Variants in GOLGA6L2 observed in about 807,000 individuals in gnomAD.
GOLGA6L2 encodes the protein golgin A6 family like 2.
GOLGA6L2 carries 30 observed loss-of-function variants against 35.9 expected under a neutral mutation model. The ratio of observed to expected loss-of-function variants is 0.83; its 90% CI spans 0.62 to 1.13. GOLGA6L2 has a LOEUF of 1.13. Among genes scored for constraint, GOLGA6L2 ranks in the 50% most tolerant of loss-of-function variants. GOLGA6L2 has a pLI of 0.00. For missense variants in GOLGA6L2, 821 were observed against 973.4 expected, an observed-to-expected ratio of 0.84 and a Z score of 2.08; for synonymous variants, 297 against 344.0, an observed-to-expected ratio of 0.86 and a Z score of 1.51.
In GOLGA6L2 at chr15:23,443,934, T is replaced by A. The variant is rs2070727866; in HGVS notation, c.434A>T (p.Gln145Leu). The A allele has an allele frequency of 6.4e-7, 1 of 1,556,230 alleles. No individual in the cohort carries two copies. The highest frequency in any genetic ancestry group is 1.4e-5 in the African/African-American group (1 of 73,844). Residue 145 changes from glutamine (Q) to leucine (L), a missense_variant, in exon 5 of 8, where the codon CAG (glutamine) becomes CTG (leucine). This residue lies in a region of GOLGA6L2 where 614 missense variants were observed against 632.3 expected (regional missense o/e 0.97). Transcript: ENST00000567107. ...GCCCAAAGGACTCCCCCTAAAGGCC[T>A]GTGAAAGTGCCAGGTTGAAGGATGA... ...TPSSFNLALS[Q>L]AFRGSPLGCV...
In GOLGA6L2 at chr15:23,444,515, A is replaced by C; in HGVS notation, c.214-15T>G. ...TTCTGTTGTGTCTGTGGGGAGAGTC[A>C]AAGGAAGGTGACTGAGGGTGGCCCC... is the stretch of plus-strand genomic sequence containing the variant. On this transcript the variant is annotated splice_polypyrimidine_tract_variant and intron_variant, in intron 2 of 7. Transcript: ENST00000567107. 6.3e-7 allele frequency: 1 copy of C among 1,599,162 alleles called. No individual in the cohort carries two copies. Among genetic ancestry groups the C allele is most frequent in the Non-Finnish European group, 8.5e-7 (1 of 1,179,576 alleles).
At chr15:23,442,530 G>A in intron 5 of GOLGA6L2, 22 bp from the exon 6 acceptor site, 6 of 1,582,084 alleles carry the variant, frequency 3.8e-6, no homozygotes, top group Non-Finnish European at 5.1e-6. Context: ...GAAAGGTTAA[G>A]TCAGGACAGA....
rs1434753409 is a variant in GOLGA6L2, at chr15:23,442,013, C to CT, written c.757dup (p.Arg253LysfsTer394). 4.5e-6 allele frequency: 7 copies of CT among 1,545,134 alleles called. No homozygotes were observed. Among genetic ancestry groups the CT allele is most frequent in the Non-Finnish European group, 5.2e-6 (6 of 1,152,730 alleles). The stretch of plus-strand genomic sequence containing the variant: ...CAGGAACTTGGCCCTCTCCAGTTTC[C>CT]TTTTTAGCTCCTTCACGTTGAGCTG... On this transcript the variant is annotated frameshift_variant, in exon 7 of 8. Transcript: ENST00000567107. LOFTEE classifies it low-confidence loss of function (END_TRUNC).
In GOLGA6L2 at chr15:23,441,253, C is replaced by T. The variant is rs905326732; in HGVS notation, c.1222G>A (p.Glu408Lys). The T allele has an allele frequency of 5.9e-6, 9 of 1,538,022 alleles. No homozygotes were observed. The highest frequency in any genetic ancestry group is 1.4e-5 in the African/African-American group (1 of 72,186). ...RMWEQDERLR[E>K]KEERMREQEK... Reference sequence around the variant, plus strand: ...TGCTCCCGCATCCTCTCCTCCTTCTCCCGTAGCCTCTCGTCCTGCTCCCAC... The same window carrying T: ...TGCTCCCGCATCCTCTCCTCCTTCTTCCGTAGCCTCTCGTCCTGCTCCCAC... The change falls in exon 8 of 8, where the codon GAG (glutamate) becomes AAG (lysine). Residue 408 changes from glutamate to lysine, a missense_variant. By Grantham distance (56) the Glu-to-Lys change is moderately conservative. This residue lies in a region of GOLGA6L2 where 614 missense variants were observed against 632.3 expected (regional missense o/e 0.97). Coordinates refer to ENST00000567107, the MANE Select transcript of GOLGA6L2 (RefSeq NM_001304388.2).
At position 23,444,356 on chromosome 15, in the gene GOLGA6L2, A is replaced by C; in HGVS notation, c.243+115T>G. 4 of 1,482,308 alleles carry C rather than the reference A, an allele frequency of 2.7e-6. No individual in the cohort carries two copies. The South Asian group carries it at 4.6e-5, about 17-fold the overall frequency. The allele number at this position is 1,482,308 out of a possible 1,614,324, so 91.8% of individuals were successfully genotyped here. The stretch of plus-strand genomic sequence containing the variant: ...AGGGACCCTGTGGGGATGGGGTGGA[A>C]TCTTGGCGGTGAGCCTTCTTCCCCA... On this transcript the variant is annotated intron_variant, in intron 3 of 7. Transcript: ENST00000567107.
rs766463623 is a variant in GOLGA6L2, at chr15:23,441,628, C to A, written c.847G>T (p.Glu283Ter). 31 of 1,545,026 alleles carry A rather than the reference C, an allele frequency of 2.0e-5. No individual in the cohort carries two copies. The highest frequency in any genetic ancestry group is 2.5e-5 in the Non-Finnish European group (29 of 1,144,820). Reference protein sequence around the residue: ...EMWRQEEELREQEKKIRKQEE... With the variant: ...EMWRQEEELR ...TGCTTCCGTATCTTCTTTTCCTGCT[C>A]CCGTAGCTCCTCCTCCTGCCTCCAC... is the stretch of plus-strand genomic sequence containing the variant. The change falls in exon 8 of 8, where the codon GAG (glutamate) becomes TAG (stop). Residue 283 changes from glutamate to a stop codon, truncating the protein, a stop_gained. Coordinates refer to ENST00000567107, the MANE Select transcript of GOLGA6L2 (RefSeq NM_001304388.2). LOFTEE classifies it low-confidence loss of function (END_TRUNC).
At position 23,440,877 on chromosome 15, in the gene GOLGA6L2, ATCT is replaced by A. The variant is rs1475262813; in HGVS notation, c.1595_1597del (p.Lys532del). The A allele has an allele frequency of 1.7e-5, 24 of 1,419,418 alleles. No individual in the cohort carries two copies. The highest frequency in any genetic ancestry group is 1.5e-4 in the Admixed American group (6 of 40,646). The allele number at this position is 1,419,418 out of a possible 1,614,324, so 87.9% of individuals were successfully genotyped here. On this transcript the variant is annotated inframe_deletion, in exon 8 of 8. Coordinates refer to ENST00000567107, the MANE Select transcript of GOLGA6L2 (RefSeq NM_001304388.2). ...CTCCCGCATCTTCTCCTGCCGCCAC[ATCT>A]TCTTCTCCTGCCCCCACATCTCCTC...
Position 23,439,444 on chromosome 15 carries a change from T to G in GOLGA6L2, c.*301A>C. ...TACCACAATTTAAAGTAAATTTTCT[T>G]TTCTTTTTTTTTTTTTTTTTCAAGT... is the stretch of plus-strand genomic sequence containing the variant. On this transcript the variant is annotated 3_prime_UTR_variant, in exon 8 of 8. Coordinates refer to ENST00000567107, the MANE Select transcript of GOLGA6L2 (RefSeq NM_001304388.2). 2 of 636,418 alleles carry G rather than the reference T, an allele frequency of 3.1e-6. No individual in the cohort carries two copies. Among genetic ancestry groups the G allele is most frequent in the East Asian group, 4.5e-5 (1 of 22,304 alleles). The allele number at this position is 636,418 out of a possible 1,614,324, so 39.4% of individuals were successfully genotyped here.
rs1467911276 is a variant in GOLGA6L2, at chr15:23,443,832, C to T, written c.536G>A (p.Gly179Glu). The T allele has an allele frequency of 1.0e-5, 16 of 1,540,140 alleles. No homozygotes were observed. The highest frequency in any genetic ancestry group is 5.5e-5 in the African/African-American group (4 of 73,136). Residue 179 changes from glycine (G) to glutamate (E), a missense_variant, in exon 5 of 8, where the codon GGA becomes GAA. Coordinates refer to ENST00000567107, the MANE Select transcript of GOLGA6L2 (RefSeq NM_001304388.2). The stretch of plus-strand genomic sequence containing the variant: ...AGCAGAGAGAGCCCGCTGTAACTCT[C>T]CTGCAAAGTGCCAGGAATGATGCAA... ...GRLHHSWHFA[G>E]ELQRALSAVS...
Position 23,439,676 on chromosome 15 carries a change from G to A in GOLGA6L2, c.*69C>T, listed in dbSNP as rs1403936235. On this transcript the variant is annotated 3_prime_UTR_variant, in exon 8 of 8. Transcript: ENST00000567107. Reference sequence around the variant, plus strand: ...CAGCTGCATGATCTCCTGTGCAGTGGGGTTGTCCTGCGGAGAACCCTCCCC... The same window carrying A: ...CAGCTGCATGATCTCCTGTGCAGTGAGGTTGTCCTGCGGAGAACCCTCCCC... 1.3e-6 allele frequency: 2 copies of A among 1,537,184 alleles called. No individual in the cohort carries two copies. The highest frequency in any genetic ancestry group is 2.4e-5 in the East Asian group (1 of 40,904).
Position 23,441,340 on chromosome 15 carries a change from A to C in GOLGA6L2, c.1135T>G (p.Trp379Gly), listed in dbSNP as rs532674539. The change falls in exon 8 of 8, where the codon TGG (tryptophan) becomes GGG (glycine). Residue 379 changes from tryptophan (W) to glycine (G), a missense_variant. Trp to Gly is a radical substitution (Grantham distance 184). Coordinates refer to ENST00000567107, the MANE Select transcript of GOLGA6L2 (RefSeq NM_001304388.2). ...TCCCGCATCTGCTTCTCCTGCTCCC[A>C]CAGCCTCTCCTCCTGTCTCCACATC... ...EKMWRQEERL[W>G]EQEKQMREQE... 2.7e-6 allele frequency: 4 copies of C among 1,499,008 alleles called. No individual in the cohort carries two copies. In the African/African-American group the frequency reaches 4.9e-5, roughly 18 times the overall value. 92.9% of individuals were successfully genotyped at this position (1,499,008 alleles called of 1,614,324 possible).
At position 23,439,479 on chromosome 15, in the gene GOLGA6L2, G is replaced by C. The variant is rs2070622403; in HGVS notation, c.*266C>G. On this transcript the variant is annotated 3_prime_UTR_variant, in exon 8 of 8. Coordinates refer to ENST00000567107, the MANE Select transcript of GOLGA6L2 (RefSeq NM_001304388.2). ...TTTTTTTTTTTCAAGTTTGTGCTCA[G>C]ACTATATTCACACAGTGACATGGCG... is the stretch of plus-strand genomic sequence containing the variant. 10 of 650,490 alleles carry C rather than the reference G, an allele frequency of 1.5e-5. No individual in the cohort carries two copies. In the South Asian group the frequency reaches 2.1e-4, roughly 14 times the overall value. The allele number at this position is 650,490 out of a possible 1,614,324, so 40.3% of individuals were successfully genotyped here.
intron 5 of GOLGA6L2, among the ~76,000 whole-genome samples, chr15:23,443,158 T>G (rs1293803621): frequency 6.6e-6 from 1 of 152,126 alleles, no homozygotes; most frequent in Non-Finnish European, 1.5e-5. Context: ...CACCCAGGTG[T>G]ATCTGATTCT....
chr15:23,443,841 T>A lies in GOLGA6L2; in HGVS notation c.527A>T (p.His176Leu). 1 of 1,540,484 alleles carries A rather than the reference T, an allele frequency of 6.5e-7. No individual in the cohort carries two copies. The highest frequency in any genetic ancestry group is 8.7e-7 in the Non-Finnish European group (1 of 1,149,428). Residue 176 changes from histidine (H) to leucine (L), a missense_variant, in exon 5 of 8, where the codon CAC becomes CTC. His to Leu is a moderately conservative substitution (Grantham distance 99). Transcript: ENST00000567107. Reference sequence around the variant, plus strand: ...AGCCCGCTGTAACTCTCCTGCAAAGTGCCAGGAATGATGCAAGCGGCCGGC... The same window carrying A: ...AGCCCGCTGTAACTCTCCTGCAAAGAGCCAGGAATGATGCAAGCGGCCGGC... ...DLAGRLHHSW[H>L]FAGELQRALS...
At chr15:23,446,872 A>G (rs112065265) in intron 1 of GOLGA6L2, among the ~76,000 whole-genome samples, 2,590 of 151,346 alleles carry the variant, frequency 0.017, 84 homozygotes, top group African/African-American at 0.057. Context: ...GGAGAGCCCC[A>G]GGGTTCACCG....
intron 5 of GOLGA6L2, 101 bp from the exon 6 acceptor site, chr15:23,442,609 A>C (rs1418653709): frequency 7.8e-6 from 8 of 1,026,594 alleles, no homozygotes; most frequent in Non-Finnish European, 1.0e-5. Flanking sequence ...ACACTCCCTC[A>C]CTCTCCATCA....
chr15:23,445,756 G>T (rs771844731), intron 1 of GOLGA6L2, among the ~76,000 whole-genome samples: 2 of 152,130 alleles, frequency 1.3e-5, no homozygotes, highest in African/African-American at 4.8e-5. Flanking sequence ...GTTTAGAGTC[G>T]TACATCCTCA....
In GOLGA6L2 at chr15:23,441,090, T is replaced by TCTTCCCGCATCTTCTTCTCCC; in HGVS notation, c.1364_1384dup (p.Glu461_Glu462insGlyGluLysLysMetArgGlu). 1 of 1,532,848 alleles carries TCTTCCCGCATCTTCTTCTCCC rather than the reference T, an allele frequency of 6.5e-7. No individual in the cohort carries two copies. The highest frequency in any genetic ancestry group is 8.8e-7 in the Non-Finnish European group (1 of 1,141,628). 95.0% of individuals were successfully genotyped at this position (1,532,848 alleles called of 1,614,324 possible). Reference sequence around the variant, plus strand: ...CTCCTGCTCCCGCATCGTCTCCTCCTCTTCCCGCATCTTCTTCTCCCGCTC... The same window carrying TCTTCCCGCATCTTCTTCTCCC: ...CTCCTGCTCCCGCATCGTCTCCTCCTCTTCCCGCATCTTCTTCTCCCCTTCCCGCATCTTCTTCTCCCGCTC... On this transcript the variant is annotated inframe_insertion, in exon 8 of 8. Coordinates refer to ENST00000567107, the MANE Select transcript of GOLGA6L2 (RefSeq NM_001304388.2).
chr15:23,441,176 C>T lies in GOLGA6L2; in HGVS notation c.1299G>A (p.Gln433=). The change falls in exon 8 of 8, where the codon CAG becomes CAA. Residue 433 remains glutamine, a synonymous_variant. Transcript: ENST00000567107. ...VEKMREEKKM[Q]EQEKKTRDQE... The stretch of plus-strand genomic sequence containing the variant: ...GGTCCCGCGTCTTCTTCTCCTGCTC[C>T]TGCATCTTCTTCTCCTCCCGCATCT... The T allele has an allele frequency of 3.3e-6, 5 of 1,534,092 alleles. No individual in the cohort carries two copies. Among genetic ancestry groups the T allele is most frequent in the Non-Finnish European group, 2.6e-6 (3 of 1,146,046 alleles).
Sources: gnomAD v4.1 joint callset for allele counts (sites outside exome capture counted in the v4.1 genomes callset) on GRCh38, gnomAD v4.1.1 for gene constraint, gnomAD v4.1.1 regional missense constraint, MANE v1.5 for transcripts, NCBI Gene and HGNC (gene_info 2026-07-23, HGNC 2026-07-21) for gene names.